Variants in CLSTN2 observed in about 807,000 individuals in gnomAD.
The protein encoded by CLSTN2 is calsyntenin-2.
Under a neutral mutation model 101.2 loss-of-function variants are expected in CLSTN2, and 48 were observed. The observed-to-expected ratio is 0.47, with a 90% CI of 0.38 to 0.60. The LOEUF is 0.60. Among genes scored for constraint, CLSTN2 ranks in the 20% least tolerant of loss-of-function variants. The pLI, the probability that CLSTN2 is intolerant of heterozygous loss-of-function variation, is 0.00. For missense variants in CLSTN2, 1,160 were observed against 1,238.2 expected (o/e 0.94, Z 0.95); for synonymous variants, 481 against 463.6 (o/e 1.04, Z -0.48).
Position 140,259,125 on chromosome 3 carries a change from A to G in CLSTN2, c.232+83052A>G, listed in dbSNP as rs573636135. On this transcript the variant is annotated intron_variant, in intron 2 of 16. Transcript: ENST00000458420. ...TCCATGTATTTTTTTTTAAAAGACA[A>G]AATTTTAATTTTTTTCTTTAAATCT... Among the ~76,000 whole-genome samples, 8 of 151,184 alleles carry G rather than the reference A, an allele frequency of 5.3e-5. No individual in the cohort carries two copies. In the East Asian group the frequency reaches 1.4e-3, roughly 26 times the overall value.
intron 1 of CLSTN2, among the ~76,000 whole-genome samples, chr3:140,113,343 A>C (rs2009185996): frequency 6.6e-6 from 1 of 152,196 alleles, no homozygotes. Context: ...CAGTGCCTGC[A>C]GACTGTGTGC....
chr3:140,253,811 A>G (rs143684635), intron 2 of CLSTN2, among the ~76,000 whole-genome samples: 30 of 151,768 alleles, frequency 2.0e-4, no homozygotes, highest in African/African-American at 6.5e-4. Flanking sequence ...CCATCCAGAT[A>G]TGGTTCTTGC....
rs371684488 is a variant in CLSTN2, at chr3:140,427,244, T to TATAC, written c.787+5971_787+5972insTACA. On this transcript the variant is annotated intron_variant, in intron 5 of 16. Coordinates refer to ENST00000458420, the MANE Select transcript of CLSTN2 (RefSeq NM_022131.3). ...ATATATGTGTGTATATATATATATA[T>TATAC]ACATATATATATACATAAATTAAAA... 3.1e-4 allele frequency among the ~76,000 whole-genome samples: 40 copies of TATAC among 127,556 alleles called. 4 individuals are homozygous for TATAC. The highest frequency in any genetic ancestry group is 1.3e-3 in the African/African-American group (38 of 29,122). The allele number at this position is 127,556 out of a possible 152,430, so 83.7% of individuals were successfully genotyped here. A position where few individuals can be genotyped will look rare whatever the true frequency, so the allele number is the denominator to read the frequency against.
At chr3:140,528,413 T>TACCTCAACAGGG (rs1268718390) in intron 8 of CLSTN2, among the ~76,000 whole-genome samples, 13 of 152,238 alleles carry the variant, frequency 8.5e-5, no homozygotes, top group Non-Finnish European at 1.5e-4. Flanking sequence ...CATCCTCATC[T>TACCTCAACAGGG]ACCTCAACAG....
rs112113867 is a variant in CLSTN2 at position 140,175,883 on chromosome 3, A to C, written c.110-68A>C. On this transcript the variant is annotated intron_variant, in intron 1 of 16. Coordinates refer to ENST00000458420, the MANE Select transcript of CLSTN2 (RefSeq NM_022131.3). ...ATGATTGGGCAAATATACAATCTTA[A>C]TAATACATTATTATGGGTTTGTTAT... The C allele has an allele frequency of 1.0e-4, 146 of 1,460,098 alleles. No individual in the cohort carries two copies. The African/African-American group carries it at 1.6e-3, about 16-fold the overall frequency. 90.4% of individuals were successfully genotyped at this position (1,460,098 alleles called of 1,614,324 possible).
At chr3:140,365,901 G>A (rs991662173) in intron 2 of CLSTN2, among the ~76,000 whole-genome samples, 4 of 152,180 alleles carry the variant, frequency 2.6e-5, no homozygotes, top group African/African-American at 7.2e-5. Context: ...AGCTTGCATA[G>A]AGGGCCTCCC....
chr3:140,566,056 C>T lies in CLSTN2; in HGVS notation c.2671C>T (p.His891Tyr). The T allele has an allele frequency of 6.2e-7, 1 of 1,613,960 alleles. No homozygotes were observed. Among genetic ancestry groups the T allele is most frequent in the Non-Finnish European group, 8.5e-7 (1 of 1,179,918 alleles). Residue 891 changes from histidine to tyrosine, a missense_variant, in exon 17 of 17, where the codon CAT (histidine) becomes TAT (tyrosine). By Grantham distance (83) the His-to-Tyr change is moderately conservative. Coordinates refer to ENST00000458420, the MANE Select transcript of CLSTN2 (RefSeq NM_022131.3). ...GCTTTTTCTCCTTGATATCCAGAAA[C>T]ATGAAGGACCAGGGCATGGGGAAGA... ...LTITVNPMEK[H>Y]EGPGHGEDET... is the part of the protein sequence containing the mutation.
chr3:140,172,671 C>T (rs975686735), intron 1 of CLSTN2, among the ~76,000 whole-genome samples: 1 of 152,238 alleles, frequency 6.6e-6, no homozygotes, highest in African/African-American at 2.4e-5. Context: ...ATTGGACTTA[C>T]AGTTCCACGT....
intron 2 of CLSTN2, among the ~76,000 whole-genome samples, chr3:140,380,046 A>G (rs1326358337): frequency 6.6e-6 from 1 of 152,204 alleles, no homozygotes; most frequent in East Asian, 1.9e-4. Context: ...ACTGAATCCA[A>G]AGACATTGAC....
At chr3:140,437,340 G>A (rs1037157636) in intron 5 of CLSTN2, among the ~76,000 whole-genome samples, 2 of 152,140 alleles carry the variant, frequency 1.3e-5, no homozygotes, top group Admixed American at 6.5e-5. Context: ...GAGCCACCAA[G>A]CCCAGCCAGG....
intron 2 of CLSTN2, among the ~76,000 whole-genome samples, chr3:140,240,215 CACACACAT>C (rs1468981129): frequency 3.2e-5 from 1 of 31,480 alleles, no homozygotes; most frequent in African/African-American, 1.0e-4. Context: ...CACACACACA[CACACACAT>C]ATATATATAT....
rs1934820344 is a variant in CLSTN2, at chr3:140,511,761, G to A, written c.1345-20563G>A. 4.0e-5 allele frequency among the ~76,000 whole-genome samples: 6 copies of A among 149,696 alleles called. No homozygotes were observed. In the South Asian group the frequency reaches 1.3e-3, roughly 32 times the overall value. ...TTTAGTAGAGATGGGGTTTCACAAT[G>A]TTAGCCAGAATGGTCTCAATCTCCT... On this transcript the variant is annotated intron_variant, in intron 8 of 16. Coordinates refer to ENST00000458420, the MANE Select transcript of CLSTN2 (RefSeq NM_022131.3).
At chr3:140,357,273 G>T (rs1264575407) in intron 2 of CLSTN2, among the ~76,000 whole-genome samples, 1 of 152,132 alleles carries the variant, frequency 6.6e-6, no homozygotes, top group Admixed American at 6.5e-5. Context: ...ATCTTCTAAA[G>T]TTGCAACAAT....
intron 1 of CLSTN2, among the ~76,000 whole-genome samples, chr3:139,958,923 T>G (rs1374083993): frequency 6.6e-6 from 1 of 150,644 alleles, no homozygotes; most frequent in Non-Finnish European, 1.5e-5. Context: ...TGGTGTCAGA[T>G]CTATTTCTAC....
At chr3:140,319,182 G>A (rs1236708564) in intron 2 of CLSTN2, among the ~76,000 whole-genome samples, 1 of 152,168 alleles carries the variant, frequency 6.6e-6, no homozygotes, top group Non-Finnish European at 1.5e-5. Flanking sequence ...AACTTACCCT[G>A]AATTTGGAAT....
chr3:139,989,933 C>A (rs1936089200), intron 1 of CLSTN2, among the ~76,000 whole-genome samples: 1 of 152,324 alleles, frequency 6.6e-6, no homozygotes, highest in East Asian at 1.9e-4. Context: ...AATTTGGAAA[C>A]AATTTGATCC....
At chr3:140,432,024 T>A (rs1024870904) in intron 5 of CLSTN2, among the ~76,000 whole-genome samples, 2 of 152,122 alleles carry the variant, frequency 1.3e-5, no homozygotes, top group African/African-American at 4.8e-5. Context: ...CACACATGAG[T>A]ACACACATTT....
At chr3:140,365,521 C>T (rs1191663502) in intron 2 of CLSTN2, among the ~76,000 whole-genome samples, 1 of 152,120 alleles carries the variant, frequency 6.6e-6, no homozygotes, top group East Asian at 1.9e-4. Context: ...TTGAATAGTC[C>T]TTCCACAGGT....
intron 2 of CLSTN2, among the ~76,000 whole-genome samples, chr3:140,303,048 A>AT (rs1472204731): frequency 6.6e-6 from 1 of 152,180 alleles, no homozygotes; most frequent in East Asian, 1.9e-4. Flanking sequence ...AGAGAACACA[A>AT]TCTTGTTGGG....
Sources: allele counts gnomAD v4.1 joint callset (sites outside exome capture counted in the v4.1 genomes callset), GRCh38; gene constraint gnomAD v4.1.1; transcripts MANE v1.5; gene names NCBI Gene and HGNC (gene_info 2026-07-23, HGNC 2026-07-21).